The following PSG11 variants were observed in gnomAD, a reference collection of about 807,000 sequenced individuals.
PSG11 encodes the protein pregnancy specific beta-1-glycoprotein 11.
Under a neutral mutation model 36.0 loss-of-function variants are expected in PSG11, and 42 were observed. That is an observed-to-expected ratio of 1.17 (90% CI 0.91 to 1.51). The LOEUF is 1.51. PSG11 is among the 40% of genes most tolerant of loss of function. PSG11 has a pLI of 0.00. For missense variants in PSG11, 558 were observed against 403.5 expected (o/e 1.38, Z -3.28); for synonymous variants, 206 against 153.5 (o/e 1.34, Z -2.53).
chr19:43,018,729 G>A, intron 3 of PSG11, 41 bp downstream of exon 3: 1 of 1,611,914 alleles, frequency 6.2e-7, no homozygotes, highest in Non-Finnish European at 8.5e-7. Context: ...ATGTGTATTT[G>A]GGATGGCAGC....
chr19:43,011,539 A>G (rs1325174637), intron 4 of PSG11, among the ~76,000 whole-genome samples: 4 of 151,368 alleles, frequency 2.6e-5, no homozygotes, highest in Non-Finnish European at 5.9e-5. Flanking sequence ...ATTGACAACC[A>G]TTAACTAGAT....
chr19:43,010,108 A>G, intron 4 of PSG11, 67 bp from the exon 5 acceptor site: 16 of 1,559,968 alleles, frequency 1.0e-5, no homozygotes, highest in Non-Finnish European at 1.3e-5. Context: ...AGCGTCAGGA[A>G]CAAGCATGTA....
chr19:43,018,126 A>G (rs530281154), intron 3 of PSG11, among the ~76,000 whole-genome samples: 22 of 151,338 alleles, frequency 1.5e-4, no homozygotes, highest in African/African-American at 4.6e-4. Flanking sequence ...AGGGACTATG[A>G]TCCTCTTGAT....
At chr19:43,017,655 G>C (rs375999209) in intron 3 of PSG11, 1 of 151,238 alleles carries the variant, frequency 6.6e-6, no homozygotes, top group Non-Finnish European at 1.5e-5. Context: ...AATGTTACTG[G>C]GATTCTAGTA....
At chr19:43,008,481 T>C (rs1973987275) in intron 5 of PSG11, among the ~76,000 whole-genome samples, 1 of 151,050 alleles carries the variant, frequency 6.6e-6, no homozygotes, top group South Asian at 2.1e-4. Flanking sequence ...TTTCACTGTG[T>C]TAGCCAGGAA....
chr19:43,020,112 G>T (rs1034882676), intron 2 of PSG11, among the ~76,000 whole-genome samples: 5 of 151,404 alleles, frequency 3.3e-5, no homozygotes, highest in African/African-American at 1.2e-4. Flanking sequence ...ATTGGGTGTT[G>T]TTCCGTGGGT....
intron 2 of PSG11, among the ~76,000 whole-genome samples, chr19:43,020,203 T>A (rs1183399016): frequency 2.6e-5 from 4 of 151,456 alleles, no homozygotes; most frequent in Non-Finnish European, 4.4e-5. Flanking sequence ...ACAGATAAAG[T>A]GCTTCTTATG....
At position 43,009,892 on chromosome 19, in the gene PSG11, A is replaced by T. The variant is rs2062265278; in HGVS notation, c.*40+66T>A. ...AGGCCCAGATACAGGCAAATAAGTC[A>T]TTTCCCTCTCCCAAGCATGGCAGTC... On this transcript the variant is annotated intron_variant, in intron 5 of 5. Coordinates refer to ENST00000320078, the MANE Select transcript of PSG11 (RefSeq NM_002785.3). 1.2e-5 allele frequency: 16 copies of T among 1,301,604 alleles called. 1 individual carries two copies. Among genetic ancestry groups the T allele is most frequent in the Middle Eastern group, 1.8e-4 (1 of 5,452 alleles). The allele number at this position is 1,301,604 out of a possible 1,614,324, so 80.6% of individuals were successfully genotyped here. A position where few individuals can be genotyped will look rare whatever the true frequency, so the allele number is the denominator to read the frequency against.
intron 4 of PSG11, among the ~76,000 whole-genome samples, chr19:43,013,097 T>C (rs1974114956): frequency 6.6e-6 from 1 of 151,352 alleles, no homozygotes; most frequent in African/African-American, 2.4e-5. Flanking sequence ...GTGGAACCTT[T>C]ACCTAACACC....
chr19:43,024,355 G>T (rs1967182352), intron 2 of PSG11: 4 of 412,824 alleles, frequency 9.7e-6, no homozygotes, highest in Non-Finnish European at 1.7e-5. Flanking sequence ...GGCCCCTCAG[G>T]TCAAATTCTA....
In PSG11 at chr19:43,025,427, G is replaced by T. The variant is rs545877492; in HGVS notation, c.65-371C>A. On this transcript the variant is annotated intron_variant, in intron 1 of 5. Coordinates refer to ENST00000320078, the MANE Select transcript of PSG11 (RefSeq NM_002785.3). ...CTTCTTTCCTGACACCTCCTTCAGG[G>T]ACTCTGGGTCTTCCCTTTCTGACCT... is the stretch of plus-strand genomic sequence containing the variant. 16 of 241,166 alleles carry T rather than the reference G, an allele frequency of 6.6e-5. 1 individual carries two copies. The highest frequency in any genetic ancestry group is 5.8e-4 in the South Asian group (7 of 11,986). 14.9% of individuals were successfully genotyped at this position (241,166 alleles called of 1,614,324 possible).
At chr19:43,022,485 A>G (rs1599680047) in intron 2 of PSG11, among the ~76,000 whole-genome samples, 2 of 151,312 alleles carry the variant, frequency 1.3e-5, no homozygotes, top group Admixed American at 1.3e-4. Context: ...GAAAATCTCT[A>G]AGCCCTGATC....
intron 3 of PSG11, among the ~76,000 whole-genome samples, chr19:43,017,046 A>G (rs981459726): frequency 6.6e-5 from 10 of 151,396 alleles, no homozygotes; most frequent in Admixed American, 2.6e-4. Context: ...ATGTAAATGG[A>G]TTCCAGAGTG....
chr19:43,016,227 G>C (rs1357958510), intron 3 of PSG11, among the ~76,000 whole-genome samples: 2 of 151,264 alleles, frequency 1.3e-5, no homozygotes, highest in Admixed American at 1.3e-4. Flanking sequence ...CTGTGAGGCC[G>C]CCTGCTTCAT....
chr19:43,011,197 C>T (rs1276822971), intron 4 of PSG11, among the ~76,000 whole-genome samples: 1 of 151,156 alleles, frequency 6.6e-6, no homozygotes, highest in Non-Finnish European at 1.5e-5. Context: ...TATGTGGCAT[C>T]TTGTTTCATT....
rs1420185114 is a variant in PSG11 at position 43,011,065 on chromosome 19, G to T, written c.965-1024C>A. Among the ~76,000 whole-genome samples the T allele has an allele frequency of 2.0e-5, 3 of 151,002 alleles. 1 individual carries two copies. Among genetic ancestry groups the T allele is most frequent in the East Asian group, 1.9e-4 (1 of 5,164 alleles). On this transcript the variant is annotated intron_variant, in intron 4 of 5. Transcript: ENST00000320078. ...TGAAAAGACAGAAGCTTAGCGTGCT[G>T]TAAAAACTTTCCTGGTGTCATATGG... is the stretch of plus-strand genomic sequence containing the variant.
In PSG11 at chr19:43,023,772, C is replaced by A. The variant is rs947345116; in HGVS notation, c.430+919G>T. On this transcript the variant is annotated intron_variant, in intron 2 of 5. Transcript: ENST00000320078. ...ATTCAGTGACTGTGCCTTCCTGTGC[C>A]TCAGTTTTCTCTCAATCAGATAAGT... Among the ~76,000 whole-genome samples, 6 of 151,180 alleles carry A rather than the reference C, an allele frequency of 4.0e-5. 1 individual carries two copies. Among genetic ancestry groups the A allele is most frequent in the African/African-American group, 1.5e-4 (6 of 40,926 alleles).
At position 43,022,784 on chromosome 19, in the gene PSG11, C is replaced by T. The variant is rs371594003; in HGVS notation, c.430+1907G>A. Among the ~76,000 whole-genome samples the T allele has an allele frequency of 4.2e-3, 631 of 150,966 alleles. 24 individuals are homozygous for T. Among genetic ancestry groups the T allele is most frequent in the African/African-American group, 0.014 (581 of 40,900 alleles). On this transcript the variant is annotated intron_variant, in intron 2 of 5. Transcript: ENST00000320078. ...TCTTAGTGACCTGGGGACATTGGCT[C>T]GAGATGAAGCCTGGCAGGAGTGGCA... is the stretch of plus-strand genomic sequence containing the variant.
At chr19:43,014,590 C>A (rs1406219442) in intron 4 of PSG11, 4 of 1,021,102 alleles carry the variant, frequency 3.9e-6, no homozygotes, top group African/African-American at 3.4e-5. Context: ...GCTGGTCCCA[C>A]CCCAGGTTGA....
Sources: allele counts gnomAD v4.1 joint callset (sites outside exome capture counted in the v4.1 genomes callset), GRCh38; gene constraint gnomAD v4.1.1; transcripts MANE v1.5; gene names NCBI Gene and HGNC (gene_info 2026-07-23, HGNC 2026-07-21).